Variants in GPR78 observed in about 807,000 individuals in gnomAD.
GPR78 encodes the protein G protein-coupled receptor 78.
Under a neutral mutation model 17.9 loss-of-function variants are expected in GPR78, and 29 were observed. The ratio of observed to expected loss-of-function variants is 1.62; its 90% CI spans 1.20 to 2.21. The LOEUF (loss-of-function observed/expected upper bound fraction) is 2.21. GPR78 is among the 30% of genes most tolerant of loss of function. The pLI is 0.00. For missense variants in GPR78, 649 were observed against 530.5 expected, an observed-to-expected ratio of 1.22 and a Z score of -2.19; for synonymous variants, 349 against 256.9, an observed-to-expected ratio of 1.36 and a Z score of -3.43.
chr4:8,588,174 T>C lies in GPR78; in HGVS notation c.*811T>C, dbSNP rs1713593312. 6.6e-6 allele frequency among the ~76,000 whole-genome samples: 1 copy of C among 152,224 alleles called. No individual in the cohort carries two copies. Among genetic ancestry groups the C allele is most frequent in the South Asian group, 2.1e-4 (1 of 4,832 alleles). The stretch of plus-strand genomic sequence containing the variant: ...CCCCTGAAGGCCACCGCTGGGCCTC[T>C]GGATCTTAGACATGAGACGGTCAAG... On this transcript the variant is annotated 3_prime_UTR_variant, in exon 3 of 3. Transcript: ENST00000382487.
intron 2 of GPR78, among the ~76,000 whole-genome samples, chr4:8,583,987 C>T (rs954353476): frequency 2.6e-4 from 39 of 152,296 alleles, no homozygotes; most frequent in African/African-American, 9.1e-4. Flanking sequence ...GCATCCTTCT[C>T]CCGGGAACCA....
At position 8,580,920 on chromosome 4, in the gene GPR78, C is replaced by A; in HGVS notation, c.-63C>A. 2 of 1,406,424 alleles carry A rather than the reference C, an allele frequency of 1.4e-6. No individual in the cohort carries two copies. The highest frequency in any genetic ancestry group is 2.9e-5 in the South Asian group (2 of 68,160). 87.1% of individuals were successfully genotyped at this position (1,406,424 alleles called of 1,614,324 possible). On this transcript the variant is annotated 5_prime_UTR_variant, in exon 1 of 3. Coordinates refer to ENST00000382487, the MANE Select transcript of GPR78 (RefSeq NM_080819.5). ...CTCAGCTGCTCCATCGCCTCACTTT[C>A]CCAGGCTCGCGCCCGAAGCAGAGCC...
Position 8,581,474 on chromosome 4 carries a change from T to A in GPR78, c.492T>A (p.Pro164=). ...GTTCGCTGCGCCTGCCGCCCGAGCC[T>A]GAGCGTCCGCGCTTCGCAGCCTTCA... is the stretch of plus-strand genomic sequence containing the variant. ...ASCSLRLPPE[P]ERPRFAAFTA... is the part of the protein sequence containing the mutation. The change falls in exon 1 of 3, where the codon CCT becomes CCA. Residue 164 remains proline, a synonymous_variant. Transcript: ENST00000382487. The A allele has an allele frequency of 6.3e-7, 1 of 1,592,114 alleles. No individual in the cohort carries two copies. Among genetic ancestry groups the A allele is most frequent in the Non-Finnish European group, 8.5e-7 (1 of 1,176,912 alleles).
Position 8,581,075 on chromosome 4 carries a change from C to G in GPR78, c.93C>G (p.Ala31=), listed in dbSNP as rs149519939. The change falls in exon 1 of 3, where the codon GCC becomes GCG. Residue 31 remains alanine, a synonymous_variant. Coordinates refer to ENST00000382487, the MANE Select transcript of GPR78 (RefSeq NM_080819.5). ...ACGCACTGGTGCTGCTTTGTTGCGC[C>G]TACAGCGCTGAGCTCCGCACTCGAG... ...LSNALVLLCC[A]YSAELRTRAS... 6 of 1,606,336 alleles carry G rather than the reference C, an allele frequency of 3.7e-6. No individual in the cohort carries two copies. The highest frequency in any genetic ancestry group is 1.3e-5 in the African/African-American group (1 of 74,896).
chr4:8,584,313 G>A (rs1251808075), intron 2 of GPR78, among the ~76,000 whole-genome samples: 1 of 152,208 alleles, frequency 6.6e-6, no homozygotes, highest in African/African-American at 2.4e-5. Context: ...CTATGAGTGT[G>A]CACACGAGTG....
Position 8,580,716 on chromosome 4 carries a change from C to T in GPR78, c.-267C>T. 1 of 519,202 alleles carries T rather than the reference C, an allele frequency of 1.9e-6. No individual in the cohort carries two copies. The highest frequency in any genetic ancestry group is 3.3e-5 in the East Asian group (1 of 30,344). The allele number at this position is 519,202 out of a possible 1,614,324, so 32.2% of individuals were successfully genotyped here. ...GTCCTGCCGGGACGGTGAGCGCATT[C>T]AGCACCCTGGACAGCACCGCGGTTG... On this transcript the variant is annotated 5_prime_UTR_variant, in exon 1 of 3. Coordinates refer to ENST00000382487, the MANE Select transcript of GPR78 (RefSeq NM_080819.5).
chr4:8,580,910 G>T lies in GPR78; in HGVS notation c.-73G>T. The T allele has an allele frequency of 7.4e-7, 1 of 1,352,062 alleles. No individual in the cohort carries two copies. The highest frequency in any genetic ancestry group is 9.8e-7 in the Non-Finnish European group (1 of 1,018,108). 83.8% of individuals were successfully genotyped at this position (1,352,062 alleles called of 1,614,324 possible). ...GGGCGCGCCGCTCAGCTGCTCCATC[G>T]CCTCACTTTCCCAGGCTCGCGCCCG... On this transcript the variant is annotated 5_prime_UTR_variant, in exon 1 of 3. Transcript: ENST00000382487.
In GPR78 at chr4:8,582,570, C is replaced by T. The variant is rs777448014; in HGVS notation, c.708C>T (p.Arg236=). The T allele has an allele frequency of 2.5e-5, 41 of 1,612,198 alleles. No individual in the cohort carries two copies. The East Asian group carries it at 6.5e-4, about 25-fold the overall frequency. The change falls in exon 2 of 3, where the codon CGC becomes CGT. Residue 236 remains arginine, a synonymous_variant. Transcript: ENST00000382487. ...QRCLIQQKRR[R]HRATRKIGIA... ...GCCTCATCCAGCAGAAGCGGCGCCG[C>T]CACCGCGCCACCAGGAAGATTGGCA...
At chr4:8,586,360 T>C (rs765392755) in intron 2 of GPR78, among the ~76,000 whole-genome samples, 34 of 152,190 alleles carry the variant, frequency 2.2e-4, no homozygotes, top group Non-Finnish European at 4.6e-4. Context: ...ATGGGAGTTG[T>C]GTGCCTGGTG....
intron 2 of GPR78, among the ~76,000 whole-genome samples, chr4:8,586,526 C>T (rs1713513124): frequency 6.6e-6 from 1 of 152,176 alleles, no homozygotes. Context: ...TTCTGCAGCC[C>T]AGGTTGACAC....
chr4:8,580,892 C>A lies in GPR78; in HGVS notation c.-91C>A. ...GCACCTCCCAGAAGCCGTGGGCGCG[C>A]CGCTCAGCTGCTCCATCGCCTCACT... On this transcript the variant is annotated 5_prime_UTR_variant, in exon 1 of 3. Coordinates refer to ENST00000382487, the MANE Select transcript of GPR78 (RefSeq NM_080819.5). 8.1e-7 allele frequency: 1 copy of A among 1,235,842 alleles called. No homozygotes were observed. Among genetic ancestry groups the A allele is most frequent in the Non-Finnish European group, 1.1e-6 (1 of 915,630 alleles). The allele number at this position is 1,235,842 out of a possible 1,614,324, so 76.6% of individuals were successfully genotyped here. A position where few individuals can be genotyped will look rare whatever the true frequency, so the allele number is the denominator to read the frequency against.
rs759867834 is a variant in GPR78 at position 8,587,796 on chromosome 4, T to G, written c.*433T>G. ...CAGATGGACACCTGTTTCTCCAACC[T>G]GGTTATTAGCATTGTTCCGATTTGT... On this transcript the variant is annotated 3_prime_UTR_variant, in exon 3 of 3. Coordinates refer to ENST00000382487, the MANE Select transcript of GPR78 (RefSeq NM_080819.5). 2.1e-4 allele frequency: 42 copies of G among 202,560 alleles called. 1 individual carries two copies. The highest frequency in any genetic ancestry group is 2.0e-3 in the Middle Eastern group (1 of 510). The allele number at this position is 202,560 out of a possible 1,614,324, so 12.5% of individuals were successfully genotyped here. A position where few individuals can be genotyped will look rare whatever the true frequency, so the allele number is the denominator to read the frequency against.
chr4:8,581,223 G>T lies in GPR78; in HGVS notation c.241G>T (p.Val81Phe). The T allele has an allele frequency of 6.3e-7, 1 of 1,598,054 alleles. No individual in the cohort carries two copies. Among genetic ancestry groups the T allele is most frequent in the Non-Finnish European group, 8.5e-7 (1 of 1,177,088 alleles). Residue 81 changes from valine to phenylalanine, a missense_variant, in exon 1 of 3, where the codon GTC becomes TTC. Transcript: ENST00000382487. ...ACCGTCGGCGCCCGGCGCATGCCAAGTCATTGGCTTCCTGGACACCTTCCT... is the reference window on the plus strand; with the variant it reads ...ACCGTCGGCGCCCGGCGCATGCCAATTCATTGGCTTCCTGGACACCTTCCT... ...RTPSAPGACQ[V>F]IGFLDTFLAS...
At chr4:8,586,909 A>G in intron 2 of GPR78, 145 bp from the exon 3 acceptor site, 1 of 686,730 alleles carries the variant, frequency 1.5e-6, no homozygotes, top group Non-Finnish European at 2.4e-6. Context: ...CCCAAGGCTC[A>G]GGGTGCTGGT....
Position 8,589,605 on chromosome 4 carries a change from G to A in GPR78, c.*2242G>A, listed in dbSNP as rs1385435671. Among the ~76,000 whole-genome samples, 2 of 152,254 alleles carry A rather than the reference G, an allele frequency of 1.3e-5. No individual in the cohort carries two copies. The highest frequency in any genetic ancestry group is 2.1e-4 in the South Asian group (1 of 4,836). On this transcript the variant is annotated 3_prime_UTR_variant, in exon 3 of 3. Transcript: ENST00000382487. ...TCCTGTCCCTGGGAGCTCCCCAGGT[G>A]CGAGGAGCCTGCCAGCCAGTGGGGC... is the stretch of plus-strand genomic sequence containing the variant.
chr4:8,586,902 A>G (rs3115388), intron 2 of GPR78, 152 bp from the exon 3 acceptor site: 565,570 of 667,074 alleles, frequency 0.85, 241,884 homozygotes, highest in East Asian at 0.96. Flanking sequence ...AGAGGAGCCC[A>G]AGGCTCAGGG....
In GPR78 at chr4:8,589,790, G is replaced by C. The variant is rs558592568; in HGVS notation, c.*2427G>C. ...CGGGGACTGCTTGCTGTCATGTTTCGCCTTCCTCGGCAGCTCCATGGAATG... is the reference window on the plus strand; with the variant it reads ...CGGGGACTGCTTGCTGTCATGTTTCCCCTTCCTCGGCAGCTCCATGGAATG... On this transcript the variant is annotated 3_prime_UTR_variant, in exon 3 of 3. Coordinates refer to ENST00000382487, the MANE Select transcript of GPR78 (RefSeq NM_080819.5). 6.6e-6 allele frequency among the ~76,000 whole-genome samples: 1 copy of C among 152,158 alleles called. No individual in the cohort carries two copies. The highest frequency in any genetic ancestry group is 1.5e-5 in the Non-Finnish European group (1 of 68,036).
chr4:8,580,929 G>A lies in GPR78; in HGVS notation c.-54G>A. On this transcript the variant is annotated 5_prime_UTR_variant, in exon 1 of 3. Coordinates refer to ENST00000382487, the MANE Select transcript of GPR78 (RefSeq NM_080819.5). ...TCCATCGCCTCACTTTCCCAGGCTC[G>A]CGCCCGAAGCAGAGCCATGAGAACC... is the stretch of plus-strand genomic sequence containing the variant. 1 of 1,426,782 alleles carries A rather than the reference G, an allele frequency of 7.0e-7. No individual in the cohort carries two copies. Among genetic ancestry groups the A allele is most frequent in the Non-Finnish European group, 9.2e-7 (1 of 1,083,146 alleles). 88.4% of individuals were successfully genotyped at this position (1,426,782 alleles called of 1,614,324 possible).
intron 2 of GPR78, among the ~76,000 whole-genome samples, chr4:8,583,644 C>T (rs116748443): frequency 0.013 from 1,566 of 122,978 alleles, 24 homozygotes; most frequent in African/African-American, 0.044. Context: ...CCAGCCTGTC[C>T]AGGATGACTG....
Sources: allele counts gnomAD v4.1 joint callset (sites outside exome capture counted in the v4.1 genomes callset), GRCh38; gene constraint gnomAD v4.1.1; transcripts MANE v1.5; gene names NCBI Gene and HGNC (gene_info 2026-07-23, HGNC 2026-07-21).